Variants in MYRIP observed in about 807,000 individuals in gnomAD.
MYRIP encodes rab effector MyRIP.
Under a neutral mutation model 98.0 loss-of-function variants are expected in MYRIP, and 49 were observed. The observed-to-expected ratio is 0.50, with a 90% CI of 0.40 to 0.63. MYRIP has a LOEUF of 0.63. Ranked by LOEUF, MYRIP falls within the 30% of genes least tolerant of loss-of-function variation. MYRIP has a pLI of 0.00. For missense variants in MYRIP, 1,004 were observed against 1,058.2 expected (o/e 0.95, Z 0.71); for synonymous variants, 404 against 409.5 (o/e 0.99, Z 0.16).
In MYRIP at chr3:39,900,890, ACTTCAAT is replaced by A; in HGVS notation, c.79_85del (p.Asn27AlafsTer8). 6.2e-7 allele frequency: 1 copy of A among 1,613,784 alleles called. No homozygotes were observed. The highest frequency in any genetic ancestry group is 8.5e-7 in the Non-Finnish European group (1 of 1,179,980). The stretch of plus-strand genomic sequence containing the variant: ...CATGTTCTTCAGGTGGTTCAAAGAG[ACTTCAAT>A]CTTCGCAAAAAAGAAGAAGAACGAC... On this transcript the variant is annotated frameshift_variant, in exon 2 of 17. Coordinates refer to ENST00000302541, the MANE Select transcript of MYRIP (RefSeq NM_015460.4). LOFTEE classifies it high-confidence loss of function.
intron 1 of MYRIP, among the ~76,000 whole-genome samples, chr3:39,889,988 A>AG: frequency 6.6e-6 from 1 of 152,092 alleles, no homozygotes; most frequent in South Asian, 2.1e-4. Flanking sequence ...AAAATCTAAA[A>AG]TTTTTTTTAA....
chr3:40,108,285 A>G (rs531540471), intron 3 of MYRIP, among the ~76,000 whole-genome samples: 1 of 55,820 alleles, frequency 1.8e-5, no homozygotes, highest in East Asian at 3.1e-4. Context: ...AAAAAGACAG[A>G]GTTTATAATT....
intron 2 of MYRIP, 124 bp downstream of exon 2, chr3:39,901,050 G>C (rs978293674): frequency 1.5e-5 from 10 of 662,042 alleles, no homozygotes; most frequent in Non-Finnish European, 2.6e-5. Context: ...TTGTCAGAAT[G>C]TCCTGTCCTT....
Position 40,206,845 on chromosome 3 carries a change from G to T in MYRIP, c.1666-3009G>T, listed in dbSNP as rs114445900. On this transcript the variant is annotated intron_variant, in intron 10 of 16. Coordinates refer to ENST00000302541, the MANE Select transcript of MYRIP (RefSeq NM_015460.4). ...CATGTGATAAATAGACATGAAACGT[G>T]GACAAATCATGTTAAGCAGGTTTCA... is the stretch of plus-strand genomic sequence containing the variant. 3.8e-3 allele frequency among the ~76,000 whole-genome samples: 576 copies of T among 152,226 alleles called. 1 individual carries two copies. The highest frequency in any genetic ancestry group is 0.013 in the African/African-American group (550 of 41,524).
chr3:40,069,446 A>C (rs1172834632), intron 3 of MYRIP, among the ~76,000 whole-genome samples: 1 of 151,970 alleles, frequency 6.6e-6, no homozygotes, highest in South Asian at 2.1e-4. Flanking sequence ...ATAACATAGA[A>C]CTGAATATTT....
chr3:40,077,246 A>C (rs1044570464), intron 3 of MYRIP, among the ~76,000 whole-genome samples: 3 of 152,152 alleles, frequency 2.0e-5, no homozygotes, highest in Admixed American at 6.5e-5. Flanking sequence ...AAAGAGCGAA[A>C]GAACAAAGCT....
chr3:40,061,422 T>C (rs757126511), intron 3 of MYRIP, among the ~76,000 whole-genome samples: 1 of 152,256 alleles, frequency 6.6e-6, no homozygotes, highest in Non-Finnish European at 1.5e-5. Flanking sequence ...TCTTGTTCTT[T>C]TTTACGGCTG....
At chr3:39,872,402 A>G (rs1234524438) in intron 1 of MYRIP, among the ~76,000 whole-genome samples, 2 of 151,884 alleles carry the variant, frequency 1.3e-5, no homozygotes, top group East Asian at 3.9e-4. Flanking sequence ...TTAGTTACAT[A>G]TGTATACATG....
chr3:40,221,716 T>G (rs774659773), intron 11 of MYRIP, among the ~76,000 whole-genome samples: 1 of 152,190 alleles, frequency 6.6e-6, no homozygotes, highest in Non-Finnish European at 1.5e-5. Context: ...GAGCACATAT[T>G]AGAGTCTGAT....
rs1950424859 is a variant in MYRIP, at chr3:40,162,809, A to T, written c.549A>T (p.Glu183Asp). The T allele has an allele frequency of 1.9e-6, 3 of 1,613,674 alleles. No individual in the cohort carries two copies. The highest frequency in any genetic ancestry group is 1.3e-5 in the African/African-American group (1 of 74,910). ...ATTCAACATTTTATAGGCAGTCAGAAGGTAAAGTTGCTTAAGAGTTTACAG... is the reference window on the plus strand; with the variant it reads ...ATTCAACATTTTATAGGCAGTCAGATGGTAAAGTTGCTTAAGAGTTTACAG... ...GSDSTFYRQS[E>D]GHSVMDTLAV... is the part of the protein sequence containing the mutation. The change falls in exon 5 of 17, where the codon GAA becomes GAT. Residue 183 changes from glutamate (E) to aspartate (D), a missense_variant and splice_region_variant. Transcript: ENST00000302541.
intron 1 of MYRIP, among the ~76,000 whole-genome samples, chr3:39,876,755 C>T (rs1236205555): frequency 6.6e-6 from 1 of 152,156 alleles, no homozygotes; most frequent in East Asian, 1.9e-4. Context: ...CCCGACTTTT[C>T]TCTCTGGCTG....
At chr3:39,810,651 G>T (rs1940650874) in intron 1 of MYRIP, 1 of 152,306 alleles carries the variant, frequency 6.6e-6, no homozygotes, top group Non-Finnish European at 1.5e-5. Flanking sequence ...GGAACCCCAA[G>T]ACCTGCGGCT....
intron 2 of MYRIP, among the ~76,000 whole-genome samples, chr3:39,959,170 T>G (rs903814927): frequency 6.6e-6 from 1 of 152,204 alleles, no homozygotes; most frequent in Non-Finnish European, 1.5e-5. Flanking sequence ...AGACATCCCA[T>G]TACTGGGTAC....
At chr3:39,941,169 T>C (rs549604823) in intron 2 of MYRIP, among the ~76,000 whole-genome samples, 1 of 152,186 alleles carries the variant, frequency 6.6e-6, no homozygotes, top group African/African-American at 2.4e-5. Flanking sequence ...AAAAGAGGCT[T>C]ATTTGGCTCA....
In MYRIP at chr3:40,110,114, CT is replaced by C. The variant is rs765985642; in HGVS notation, c.333-40930del. Reference sequence around the variant, plus strand: ...TACTCACTTCTGCCCACCAGTGGGCCTTTTGGGACAAGGCCCTGCCAGACTC... The same window carrying C: ...TACTCACTTCTGCCCACCAGTGGGCCTTTGGGACAAGGCCCTGCCAGACTC... On this transcript the variant is annotated intron_variant, in intron 3 of 16. Transcript: ENST00000302541. 8.1e-4 allele frequency among the ~76,000 whole-genome samples: 124 copies of C among 152,236 alleles called. 1 individual carries two copies. The highest frequency in any genetic ancestry group is 3.4e-4 in the Non-Finnish European group (23 of 68,044).
chr3:40,250,390 A>ATTT, intron 14 of MYRIP, 49 bp from the exon 15 acceptor site: 1 of 1,613,374 alleles, frequency 6.2e-7, no homozygotes, highest in Non-Finnish European at 8.5e-7. Context: ...AGAAGACAAA[A>ATTT]TATCTTTGGC....
chr3:40,188,866 A>C (rs1263764759), intron 9 of MYRIP, among the ~76,000 whole-genome samples: 3 of 152,210 alleles, frequency 2.0e-5, no homozygotes, highest in African/African-American at 7.2e-5. Flanking sequence ...GCAGCATTTC[A>C]TCTTACTCCC....
chr3:39,997,844 G>C (rs1946406584), intron 2 of MYRIP, among the ~76,000 whole-genome samples: 1 of 152,150 alleles, frequency 6.6e-6, no homozygotes, highest in Non-Finnish European at 1.5e-5. Flanking sequence ...CCGTGATCAA[G>C]TGGGCTTCAT....
chr3:39,985,542 A>T (rs1946011204), intron 2 of MYRIP, among the ~76,000 whole-genome samples: 1 of 137,632 alleles, frequency 7.3e-6, no homozygotes, highest in African/African-American at 2.9e-5. Flanking sequence ...GCATCACGCT[A>T]CCTGACTTCA....
Sources: gnomAD v4.1 joint callset for allele counts (sites outside exome capture counted in the v4.1 genomes callset) on GRCh38, gnomAD v4.1.1 for gene constraint, MANE v1.5 for transcripts, NCBI Gene and HGNC (gene_info 2026-07-23, HGNC 2026-07-21) for gene names.